Variants in MRTFB observed in about 807,000 individuals in gnomAD.
MRTFB encodes myocardin related transcription factor B.
MRTFB carries 29 observed loss-of-function variants against 104.2 expected under a neutral mutation model. The ratio of observed to expected loss-of-function variants is 0.28; its 90% confidence interval spans 0.21 to 0.38. The LOEUF is 0.38. MRTFB is among the 10% of genes least tolerant of loss of function. The pLI, the probability that MRTFB is intolerant of heterozygous loss-of-function variation, is 1.00. For missense variants in MRTFB, 1,270 were observed against 1,341.6 expected, an observed-to-expected ratio of 0.95 and a Z score of 0.83; for synonymous variants, 535 against 519.5, an observed-to-expected ratio of 1.03 and a Z score of -0.41.
chr16:13,995,215 A>T, the MRTFB span, among the ~76,000 whole-genome samples: 1 of 152,216 alleles, frequency 6.6e-6, no homozygotes, highest in Non-Finnish European at 1.5e-5. Flanking sequence ...AGCAAAATCC[A>T]TTCCTTTTCA....
chr16:14,212,522 A>T, intron 5 of MRTFB, 113 bp downstream of exon 5: 1 of 961,272 alleles, frequency 1.0e-6, no homozygotes, highest in Non-Finnish European at 1.6e-6. Flanking sequence ...GAGAAAAAAT[A>T]GTGTATTTTC....
At chr16:14,054,801 C>T in the MRTFB span, among the ~76,000 whole-genome samples, 1 of 152,178 alleles carries the variant, frequency 6.6e-6, no homozygotes, top group Non-Finnish European at 1.5e-5. Context: ...GGAATGGAAG[C>T]TCTGAAGGGC....
intron 7 of MRTFB, among the ~76,000 whole-genome samples, chr16:14,218,575 C>CTTG (rs1458839822): frequency 6.6e-6 from 1 of 152,060 alleles, no homozygotes; most frequent in African/African-American, 2.4e-5. Context: ...ATTCCTGGCG[C>CTTG]TTGTACTTCA....
At chr16:14,212,482 G>A in intron 5 of MRTFB, 73 bp downstream of exon 5, 8 of 1,382,244 alleles carry the variant, frequency 5.8e-6, no homozygotes, top group Non-Finnish European at 8.2e-6. Context: ...CTGTGTACAA[G>A]TAGCAGTGTT....
the MRTFB span, among the ~76,000 whole-genome samples, chr16:14,058,792 C>T: frequency 7.4e-6 from 1 of 136,014 alleles, no homozygotes; most frequent in Non-Finnish European, 1.5e-5. Context: ...GATTTCAGCT[C>T]ACTGCAACCT....
At chr16:14,178,032 A>T (rs1476842958) in intron 3 of MRTFB, among the ~76,000 whole-genome samples, 1 of 152,004 alleles carries the variant, frequency 6.6e-6, no homozygotes, top group South Asian at 2.1e-4. Flanking sequence ...TCCAAATCTT[A>T]GGAGATTAGA....
At position 14,177,903 on chromosome 16, in the gene MRTFB, GGTGTGTGTGTGTGTGTGTGT is replaced by G. The variant is rs142062484; in HGVS notation, c.155-32326_155-32307del. On this transcript the variant is annotated intron_variant, in intron 3 of 16. Coordinates refer to ENST00000571589, the MANE Select transcript of MRTFB (RefSeq NM_001308142.2). The surrounding 1 kb of genome is among the most constrained non-coding windows in gnomAD (Gnocchi z 4.7). ...CGAGAAGTACATGAACCAGAGGTAG[GGTGTGTGTGTGTGTGTGTGT>G]GTGTGTGTGTGTGCACGCATTGGTG... is the stretch of plus-strand genomic sequence containing the variant. Among the ~76,000 whole-genome samples, 1 of 145,962 alleles carries G rather than the reference GGTGTGTGTGTGTGTGTGTGT, an allele frequency of 6.9e-6. No individual in the cohort carries two copies.
chr16:14,183,514 T>G (rs972828865), intron 3 of MRTFB, among the ~76,000 whole-genome samples: 16 of 151,920 alleles, frequency 1.1e-4, no homozygotes, highest in African/African-American at 3.4e-4. Flanking sequence ...TATGTGTTTG[T>G]TTTTTTTCTT....
intron 2 of MRTFB, among the ~76,000 whole-genome samples, chr16:14,104,267 G>A (rs1297148028): frequency 6.6e-6 from 1 of 152,238 alleles, no homozygotes; most frequent in Non-Finnish European, 1.5e-5. Flanking sequence ...TCTGGGCTGA[G>A]CATAGAATGA....
chr16:14,000,903 T>C, the MRTFB span, among the ~76,000 whole-genome samples: 4 of 152,216 alleles, frequency 2.6e-5, no homozygotes, highest in African/African-American at 9.7e-5. Context: ...GAGCCTCAGT[T>C]TTCTAATCTT....
In MRTFB at chr16:14,227,668, C is replaced by T. The variant is rs141853814; in HGVS notation, c.694-6478C>T. Among the ~76,000 whole-genome samples the T allele has an allele frequency of 9.7e-3, 1,477 of 152,148 alleles. 24 individuals are homozygous for T. The highest frequency in any genetic ancestry group is 0.033 in the African/African-American group (1,379 of 41,512). On this transcript the variant is annotated intron_variant, in intron 8 of 16. Coordinates refer to ENST00000571589, the MANE Select transcript of MRTFB (RefSeq NM_001308142.2). ...CTGGGATTACAGGCATGCAACACCA[C>T]GCCCAGCTAATTTTTGTATTTTTAG...
the MRTFB span, among the ~76,000 whole-genome samples, chr16:14,001,077 A>G: frequency 6.6e-6 from 1 of 152,202 alleles, no homozygotes; most frequent in African/African-American, 2.4e-5. Context: ...TCCCTCACCC[A>G]TGTCCGCAGT....
chr16:14,182,188 C>T (rs1452834324), intron 3 of MRTFB, among the ~76,000 whole-genome samples: 3 of 152,178 alleles, frequency 2.0e-5, no homozygotes, highest in Non-Finnish European at 4.4e-5. Context: ...TCCATCTCTC[C>T]CTAATTCATT....
In MRTFB at chr16:14,208,008, G is replaced by A. The variant is rs543113733; in HGVS notation, c.155-2235G>A. On this transcript the variant is annotated intron_variant, in intron 3 of 16. Transcript: ENST00000571589. ...TCAGAATTGAATCATTGGACACCCA[G>A]TTGGGCATCCAGAATTGGAGAATTG... 1.7e-4 allele frequency among the ~76,000 whole-genome samples: 26 copies of A among 152,304 alleles called. No homozygotes were observed. In the South Asian group the frequency reaches 5.2e-3, roughly 30 times the overall value.
At position 14,255,723 on chromosome 16, in the gene MRTFB, CAGTGTACAACATTA is replaced by C. The variant is rs985264505; in HGVS notation, c.2704-2374_2704-2361del. ...GGTTGTAGGATCTCTATGTTTTATT[CAGTGTACAACATTA>C]AGTAGCCTATGAGAAGTTAAGGATA... On this transcript the variant is annotated intron_variant, in intron 15 of 16. Coordinates refer to ENST00000571589, the MANE Select transcript of MRTFB (RefSeq NM_001308142.2). 2.6e-4 allele frequency among the ~76,000 whole-genome samples: 40 copies of C among 151,886 alleles called. 2 individuals carry two copies. The highest frequency in any genetic ancestry group is 5.9e-5 in the Non-Finnish European group (4 of 67,984).
chr16:14,222,874 A>G (rs543003320), intron 8 of MRTFB, among the ~76,000 whole-genome samples: 74 of 152,220 alleles, frequency 4.9e-4, no homozygotes, highest in African/African-American at 1.3e-3. Context: ...TCACATGCCA[A>G]ATTTTCAACA....
intron 2 of MRTFB, among the ~76,000 whole-genome samples, chr16:14,087,079 C>A (rs2034751025): frequency 6.6e-6 from 1 of 151,930 alleles, no homozygotes; most frequent in Non-Finnish European, 1.5e-5. Flanking sequence ...AAACTCTAAC[C>A]CTAGGAAAAA....
intron 2 of MRTFB, among the ~76,000 whole-genome samples, chr16:14,102,613 T>C (rs544745372): frequency 1.3e-5 from 2 of 152,370 alleles, no homozygotes; most frequent in South Asian, 4.1e-4. Flanking sequence ...ACAGATATTA[T>C]TTATTCTAAT....
chr16:14,243,864 G>GTTTTTTTTTTGTTTTTTTTTTT (rs2042890996), intron 10 of MRTFB, among the ~76,000 whole-genome samples: 1 of 124,676 alleles, frequency 8.0e-6, no homozygotes, highest in African/African-American at 3.8e-5. Flanking sequence ...CCTGTTTTGG[G>GTTTTTTTTTTGTTTTTTTTTTT]TTTTTTTTTT....
Sources: allele counts gnomAD v4.1 joint callset (sites outside exome capture counted in the v4.1 genomes callset), GRCh38; gene constraint gnomAD v4.1.1; non-coding constraint Gnocchi (gnomAD v3.1); transcripts MANE v1.5; gene names NCBI Gene and HGNC (gene_info 2026-07-23, HGNC 2026-07-21).